The following TYRP1 variants were observed in gnomAD, a reference collection of about 807,000 sequenced individuals.
TYRP1 encodes the protein 5,6-dihydroxyindole-2-carboxylic acid oxidase.
TYRP1 carries 49 observed loss-of-function variants against 42.8 expected under a neutral mutation model. The ratio of observed to expected loss-of-function variants is 1.14; its 90% confidence interval spans 0.91 to 1.45. The LOEUF (loss-of-function observed/expected upper bound fraction) is 1.45, where lower values mean the gene tolerates loss of function less well. Among genes scored for constraint, TYRP1 ranks in the 40% most tolerant of loss-of-function variants. TYRP1 has a pLI of 0.00. For synonymous variants in TYRP1, 279 were observed against 235.4 expected, an observed-to-expected ratio of 1.19 and a Z score of -1.69; for missense variants, 848 against 662.0, an observed-to-expected ratio of 1.28 and a Z score of -3.08.
chr9:12,700,127 C>T (rs987185114), intron 4 of TYRP1: 2 of 152,020 alleles, frequency 1.3e-5, no homozygotes, highest in African/African-American at 2.4e-5. Context: ...TTTTATTGAA[C>T]ATATATTATG....
At chr9:12,693,872 G>C (rs955518632) in intron 1 of TYRP1, 40 bp from the exon 2 acceptor site, 1 of 1,399,578 alleles carries the variant, frequency 7.1e-7, no homozygotes, top group Non-Finnish European at 9.8e-7. Flanking sequence ...TAAGTACCAA[G>C]AAAAACTTGC....
intron 4 of TYRP1, chr9:12,701,953 A>G (rs976402340): frequency 1.9e-4 from 48 of 246,916 alleles, no homozygotes; most frequent in East Asian, 1.9e-4. Flanking sequence ...TCAATTTTCC[A>G]TGGAATTTTC....
At chr9:12,700,612 C>G (rs973482378) in intron 4 of TYRP1, 33 of 151,946 alleles carry the variant, frequency 2.2e-4, no homozygotes, top group African/African-American at 8.0e-4. Context: ...CATATGCAAA[C>G]AAATTTAAGA....
In TYRP1 at chr9:12,709,121, A is replaced by G. The variant is rs1361910709; in HGVS notation, c.1553A>G (p.Gln518Arg). Reference sequence around the variant, plus strand: ...GCTAACCAGCCTCTCCTCACTGATCAGTATCAATGCTATGCTGAAGAATAT... The same window carrying G: ...GCTAACCAGCCTCTCCTCACTGATCGGTATCAATGCTATGCTGAAGAATAT... Reference protein sequence around the residue: ...DEANQPLLTDQYQCYAEEYEK... With the variant: ...DEANQPLLTDRYQCYAEEYEK... Residue 518 changes from glutamine to arginine, a missense_variant, in exon 8 of 8, where the codon CAG (glutamine) becomes CGG (arginine). Coordinates refer to ENST00000388918, the MANE Select transcript of TYRP1 (RefSeq NM_000550.3). The G allele has an allele frequency of 1.1e-5, 17 of 1,612,682 alleles. No individual in the cohort carries two copies. The highest frequency in any genetic ancestry group is 1.7e-5 in the Admixed American group (1 of 59,818).
In TYRP1 at chr9:12,703,870, AAT is replaced by A. The variant is rs764992716; in HGVS notation, c.1082-643_1082-642del. 4.9e-3 allele frequency among the ~76,000 whole-genome samples: 577 copies of A among 117,830 alleles called. 4 individuals carry two copies. Among genetic ancestry groups the A allele is most frequent in the African/African-American group, 0.017 (525 of 30,616 alleles). The allele number at this position is 117,830 out of a possible 152,430, so 77.3% of individuals were successfully genotyped here. ...TCCTTGTTTTCTCCCTTATATATGGAATATATATATATATGTGTGTGTGTGTG... is the reference window on the plus strand; with the variant it reads ...TCCTTGTTTTCTCCCTTATATATGGAATATATATATATGTGTGTGTGTGTG... On this transcript the variant is annotated intron_variant, in intron 5 of 7. Coordinates refer to ENST00000388918, the MANE Select transcript of TYRP1 (RefSeq NM_000550.3).
chr9:12,695,691 T>G lies in TYRP1; in HGVS notation c.562T>G (p.Phe188Val). 3 of 1,614,176 alleles carry G rather than the reference T, an allele frequency of 1.9e-6. No homozygotes were observed. The highest frequency in any genetic ancestry group is 2.5e-6 in the Non-Finnish European group (3 of 1,180,036). The stretch of plus-strand genomic sequence containing the variant: ...TGAGAACATTTCCATTTATAACTAC[T>G]TTGTTTGGACACACTATTACTCAGT... ...QFENISIYNY[F>V]VWTHYYSVKK... Residue 188 changes from phenylalanine (F) to valine (V), a missense_variant, in exon 3 of 8, where the codon TTT (phenylalanine) becomes GTT (valine). Physicochemically the swap from Phe to Val is conservative, Grantham distance 50. Coordinates refer to ENST00000388918, the MANE Select transcript of TYRP1 (RefSeq NM_000550.3).
At chr9:12,701,918 AT>A (rs1818175226) in intron 4 of TYRP1, 1 of 228,012 alleles carries the variant, frequency 4.4e-6, no homozygotes, top group African/African-American at 2.3e-5. Context: ...GTAGAACTAG[AT>A]TTATGAGATT....
chr9:12,709,303 A>G lies in TYRP1; in HGVS notation c.*121A>G. On this transcript the variant is annotated 3_prime_UTR_variant, in exon 8 of 8. Coordinates refer to ENST00000388918, the MANE Select transcript of TYRP1 (RefSeq NM_000550.3). ...CTTCTTTCTAATACAAGCATATGTT[A>G]GCATTAAAGTTCTAGGCATACTTTT... The G allele has an allele frequency of 9.3e-7, 1 of 1,075,532 alleles. No homozygotes were observed. The highest frequency in any genetic ancestry group is 1.4e-6 in the Non-Finnish European group (1 of 717,332). 66.6% of individuals were successfully genotyped at this position (1,075,532 alleles called of 1,614,324 possible).
intron 2 of TYRP1, 192 bp downstream of exon 2, chr9:12,694,573 G>A (rs1050405696): frequency 1.5e-6 from 1 of 671,212 alleles, no homozygotes; most frequent in Admixed American, 2.9e-5. Flanking sequence ...TTGAAGCTCA[G>A]AACTTCTGAT....
chr9:12,694,755 G>A (rs1229928216), intron 2 of TYRP1, among the ~76,000 whole-genome samples: 1 of 152,112 alleles, frequency 6.6e-6, no homozygotes, highest in Non-Finnish European at 1.5e-5. Flanking sequence ...TGGAATTCAT[G>A]CTGAGATCTA....
chr9:12,694,554 G>C, intron 2 of TYRP1, 173 bp downstream of exon 2: 2 of 801,612 alleles, frequency 2.5e-6, no homozygotes, highest in African/African-American at 1.7e-5. Flanking sequence ...TTAATGTAAA[G>C]GGTTGGAGTT....
At chr9:12,708,949 T>G in intron 7 of TYRP1, 28 bp from the exon 8 acceptor site, 2 of 1,548,130 alleles carry the variant, frequency 1.3e-6, no homozygotes, top group Non-Finnish European at 1.8e-6. Flanking sequence ...ATATTTGTCT[T>G]TTTATTTTTA....
chr9:12,693,883 A>T (rs1303930625), intron 1 of TYRP1, 29 bp from the exon 2 acceptor site: 2 of 1,465,638 alleles, frequency 1.4e-6, no homozygotes, highest in East Asian at 4.6e-5. Flanking sequence ...AAAAACTTGC[A>T]TAATCTCATT....
intron 2 of TYRP1, among the ~76,000 whole-genome samples, chr9:12,694,894 A>G (rs894745219): frequency 2.0e-5 from 3 of 152,198 alleles, no homozygotes; most frequent in African/African-American, 7.2e-5. Flanking sequence ...TAAATAACAA[A>G]GCACTAAACA....
rs780807265 is a variant in TYRP1, at chr9:12,694,104, G to A, written c.108G>A (p.Leu36=). 3.7e-6 allele frequency: 6 copies of A among 1,614,074 alleles called. No homozygotes were observed. Among genetic ancestry groups the A allele is most frequent in the Non-Finnish European group, 4.2e-6 (5 of 1,180,028 alleles). ...GACAGTGTGCCACTGTTGAGGCTTT[G>A]AGAAGTGGTATGTGTTGCCCAGACC... ...FPRQCATVEA[L]RSGMCCPDLS... The change falls in exon 2 of 8, where the codon TTG becomes TTA. Residue 36 remains leucine (L), a synonymous_variant. Coordinates refer to ENST00000388918, the MANE Select transcript of TYRP1 (RefSeq NM_000550.3).
At chr9:12,695,157 T>C (rs532148379) in intron 2 of TYRP1, among the ~76,000 whole-genome samples, 232 of 152,282 alleles carry the variant, frequency 1.5e-3, no homozygotes, top group African/African-American at 5.5e-3. Context: ...TACTATGTTA[T>C]ATCACCTAAT....
At chr9:12,700,240 G>T (rs1001813491) in intron 4 of TYRP1, 1 of 151,810 alleles carries the variant, frequency 6.6e-6, no homozygotes, top group African/African-American at 2.4e-5. Flanking sequence ...GTCCATTTCT[G>T]TAGTTCCATT....
At chr9:12,696,553 A>G (rs554878889) in intron 3 of TYRP1, among the ~76,000 whole-genome samples, 2 of 152,180 alleles carry the variant, frequency 1.3e-5, no homozygotes, top group African/African-American at 2.4e-5. Context: ...CAAAATAATT[A>G]TATCAGTCAG....
rs1818062949 is a variant in TYRP1 at position 12,695,583 on chromosome 9, A to G, written c.454A>G (p.Lys152Glu). Reference protein sequence around the residue: ...NHFVRALDMAKRTTHPLFVIA... With the variant: ...NHFVRALDMAERTTHPLFVIA... ...CTTTGTCCGGGCCCTGGATATGGCAAAGCGCACAACTCACCCTTTATTTGT... is the reference window on the plus strand; with the variant it reads ...CTTTGTCCGGGCCCTGGATATGGCAGAGCGCACAACTCACCCTTTATTTGT... The change falls in exon 3 of 8, where the codon AAG becomes GAG. Residue 152 changes from lysine to glutamate, a missense_variant. Physicochemically the swap from Lys to Glu is moderately conservative, Grantham distance 56. Transcript: ENST00000388918. 2 of 1,614,166 alleles carry G rather than the reference A, an allele frequency of 1.2e-6. No homozygotes were observed. Among genetic ancestry groups the G allele is most frequent in the Non-Finnish European group, 1.7e-6 (2 of 1,180,016 alleles).
Sources: allele counts gnomAD v4.1 joint callset (sites outside exome capture counted in the v4.1 genomes callset), GRCh38; gene constraint gnomAD v4.1.1; transcripts MANE v1.5; gene names NCBI Gene and HGNC (gene_info 2026-07-23, HGNC 2026-07-21).